STAMBP: variants seen among roughly 807,000 people sequenced by gnomAD.
STAMBP encodes STAM-binding protein.
Under a neutral mutation model 50.7 loss-of-function variants are expected in STAMBP, and 31 were observed. The observed-to-expected ratio is 0.61, with a 90% CI of 0.46 to 0.83. The LOEUF is 0.83. STAMBP is among the 40% of genes least tolerant of loss of function. The pLI is 0.00. For missense variants in STAMBP, 472 were observed against 518.9 expected (o/e 0.91, Z 0.88); for synonymous variants, 211 against 192.4 (o/e 1.10, Z -0.80).
At chr2:73,847,866 A>G in intron 5 of STAMBP, 113 bp downstream of exon 5, 1 of 1,361,334 alleles carries the variant, frequency 7.3e-7, no homozygotes, top group East Asian at 2.3e-5. Flanking sequence ...CTTTGGTCAC[A>G]GAAACCCATC....
intron 2 of STAMBP, 145 bp downstream of exon 2, chr2:73,831,204 C>A: frequency 1.5e-6 from 1 of 654,182 alleles, no homozygotes; most frequent in Admixed American, 2.7e-5. Context: ...CTGTCCTTGC[C>A]GTTCAAAGAC....
Position 73,859,302 on chromosome 2 carries a change from C to CA in STAMBP, c.1055dup (p.His352GlnfsTer27), listed in dbSNP as rs1216414313. 6.2e-7 allele frequency: 1 copy of CA among 1,614,094 alleles called. No individual in the cohort carries two copies. The highest frequency in any genetic ancestry group is 8.5e-7 in the Non-Finnish European group (1 of 1,180,032). ...TCTCTCCAGTGTCGACCTACACACT[C>CA]ACTGCTCTTACCAGATGATGTTGCC... On this transcript the variant is annotated frameshift_variant, in exon 8 of 10. Transcript: ENST00000394070. LOFTEE classifies it high-confidence loss of function.
downstream of STAMBP, among the ~76,000 whole-genome samples, chr2:73,869,660 G>A (rs1272682279): frequency 1.1e-4 from 17 of 151,904 alleles, no homozygotes; most frequent in Admixed American, 1.1e-3. Context: ...CACCAACATG[G>A]CACATGTATA....
At chr2:73,839,370 CTG>C (rs1327416008) in intron 2 of STAMBP, among the ~76,000 whole-genome samples, 2 of 152,188 alleles carry the variant, frequency 1.3e-5, no homozygotes, top group Non-Finnish European at 2.9e-5. Context: ...ATCAACTAGG[CTG>C]CCCAGAAGGG....
At chr2:73,839,677 C>G (rs1675140335) in intron 2 of STAMBP, among the ~76,000 whole-genome samples, 1 of 152,180 alleles carries the variant, frequency 6.6e-6, no homozygotes, top group Non-Finnish European at 1.5e-5. Context: ...TTTTCAAACA[C>G]TACAAGGGAG....
chr2:73,845,269 A>G lies in STAMBP; in HGVS notation c.375+7A>G, dbSNP rs777263621. 1 of 1,585,536 alleles carries G rather than the reference A, an allele frequency of 6.3e-7. No individual in the cohort carries two copies. The highest frequency in any genetic ancestry group is 1.3e-5 in the African/African-American group (1 of 74,122). ...AGAATATAATGAAGAAAAGGTCAGTATATAACAGCTAAGAAGAAAATTATT... is the reference window on the plus strand; with the variant it reads ...AGAATATAATGAAGAAAAGGTCAGTGTATAACAGCTAAGAAGAAAATTATT... On this transcript the variant is annotated splice_region_variant and intron_variant, in intron 4 of 9. Transcript: ENST00000394070.
At chr2:73,852,740 C>T (rs145162524) in intron 7 of STAMBP, among the ~76,000 whole-genome samples, 1,602 of 152,024 alleles carry the variant, frequency 0.011, 21 homozygotes, top group African/African-American at 0.033. Flanking sequence ...GGTGCAGTGG[C>T]GCAATCTTGG....
chr2:73,850,877 C>G lies in STAMBP; in HGVS notation c.1005+364C>G, dbSNP rs201779083. On this transcript the variant is annotated intron_variant, in intron 7 of 9. Transcript: ENST00000394070. This position sits in a 1 kb window ranked among gnomAD's most constrained non-coding sequence, Gnocchi z 4.3. ...TGATGTTCCTTAAAGGTATATAATT[C>G]AAAATATTTTAAATGAGCCAAGGAG... is the stretch of plus-strand genomic sequence containing the variant. Among the ~76,000 whole-genome samples the G allele has an allele frequency of 1.3e-5, 2 of 152,140 alleles. No individual in the cohort carries two copies. The highest frequency in any genetic ancestry group is 3.9e-4 in the East Asian group (2 of 5,176).
chr2:73,850,645 CT>C lies in STAMBP; in HGVS notation c.1005+134del. 1 of 966,996 alleles carries C rather than the reference CT, an allele frequency of 1.0e-6. No homozygotes were observed. Among genetic ancestry groups the C allele is most frequent in the Non-Finnish European group, 1.4e-6 (1 of 698,548 alleles). 59.9% of individuals were successfully genotyped at this position (966,996 alleles called of 1,614,324 possible). ...GTTTTTCTCTCTTTTGGATGCAGTCCTTAGCATACTTGACTATTGCACTTTG... is the reference window on the plus strand; with the variant it reads ...GTTTTTCTCTCTTTTGGATGCAGTCCTAGCATACTTGACTATTGCACTTTG... On this transcript the variant is annotated intron_variant, in intron 7 of 9. Coordinates refer to ENST00000394070, the MANE Select transcript of STAMBP (RefSeq NM_213622.4). This position sits in a 1 kb window ranked among gnomAD's most constrained non-coding sequence, Gnocchi z 4.3.
intron 2 of STAMBP, among the ~76,000 whole-genome samples, chr2:73,839,975 C>T (rs1391307994): frequency 2.6e-5 from 4 of 152,196 alleles, no homozygotes; most frequent in Non-Finnish European, 5.9e-5. Context: ...CTAGTCCTTA[C>T]TCAAATGCCT....
intron 2 of STAMBP, 83 bp downstream of exon 2, chr2:73,831,142 T>C (rs573643581): frequency 2.7e-6 from 3 of 1,100,728 alleles, no homozygotes; most frequent in African/African-American, 3.1e-5. Flanking sequence ...ACCACAGAAC[T>C]TCACAATATC....
intron 7 of STAMBP, 71 bp from the exon 8 acceptor site, chr2:73,859,183 G>A: frequency 8.1e-7 from 1 of 1,237,756 alleles, no homozygotes; most frequent in Non-Finnish European, 1.2e-6. Flanking sequence ...ACCTCAGAAA[G>A]GGAATCGCAA....
intron 2 of STAMBP, among the ~76,000 whole-genome samples, chr2:73,839,239 C>T (rs761336185): frequency 3.9e-5 from 6 of 152,174 alleles, no homozygotes; most frequent in Non-Finnish European, 5.9e-5. Context: ...TGTAGGAATG[C>T]TTTGCCTTTT....
rs138606897 is a variant in STAMBP, at chr2:73,844,642, G to C, written c.204-171G>C. ...AGAGGAAAAGACTCTGGCTCTTTAG[G>C]GGGATAGAGATGGGAAAGGAGCATG... On this transcript the variant is annotated intron_variant, in intron 2 of 9. Transcript: ENST00000394070. 3,397 of 478,502 alleles carry C rather than the reference G, an allele frequency of 7.1e-3. 31 individuals carry two copies. The highest frequency in any genetic ancestry group is 0.028 in the Middle Eastern group (90 of 3,160). The allele number at this position is 478,502 out of a possible 1,614,324, so 29.6% of individuals were successfully genotyped here.
At chr2:73,842,585 G>A (rs1279021987) in intron 2 of STAMBP, among the ~76,000 whole-genome samples, 1 of 152,058 alleles carries the variant, frequency 6.6e-6, no homozygotes, top group Admixed American at 6.5e-5. Context: ...GAAGTGTTTT[G>A]GTCTGTATTT....
At chr2:73,861,609 C>T (rs944021002) in intron 9 of STAMBP, among the ~76,000 whole-genome samples, 3 of 151,940 alleles carry the variant, frequency 2.0e-5, no homozygotes, top group Non-Finnish European at 2.9e-5. Flanking sequence ...GCCTCTGCCC[C>T]CCAGGTTCAA....
At chr2:73,835,674 A>G (rs1241131511) in intron 2 of STAMBP, among the ~76,000 whole-genome samples, 3 of 152,180 alleles carry the variant, frequency 2.0e-5, no homozygotes, top group African/African-American at 7.2e-5. Context: ...TTAGGAAAAA[A>G]GATACTGCGG....
At chr2:73,871,496 C>T (rs1483690105), downstream of STAMBP, among the ~76,000 whole-genome samples, 6 of 150,484 alleles carry the variant, frequency 4.0e-5, no homozygotes, top group Non-Finnish European at 8.9e-5. Context: ...TGCAGTGAGC[C>T]GAGATCGCAT....
intron 7 of STAMBP, among the ~76,000 whole-genome samples, chr2:73,851,660 A>T (rs1676825209): frequency 6.8e-6 from 1 of 146,568 alleles, no homozygotes; most frequent in South Asian, 2.1e-4. Flanking sequence ...TTTTTTTGAG[A>T]CAGAGTTTCA....
Sources: gnomAD v4.1 joint callset for allele counts (sites outside exome capture counted in the v4.1 genomes callset) on GRCh38, gnomAD v4.1.1 for gene constraint, Gnocchi (gnomAD v3.1) non-coding constraint, MANE v1.5 for transcripts, NCBI Gene and HGNC (gene_info 2026-07-23, HGNC 2026-07-21) for gene names.